PTPRF: variants seen among roughly 807,000 people sequenced by gnomAD.
PTPRF encodes the protein protein tyrosine phosphatase receptor type F.
A neutral mutation model predicts 201.8 loss-of-function variants in PTPRF; 59 were observed. The observed-to-expected ratio is 0.29, with a 90% CI of 0.24 to 0.36. The LOEUF (loss-of-function observed/expected upper bound fraction) is 0.36, where lower values mean the gene tolerates loss of function less well. Among genes scored for constraint, PTPRF ranks in the 10% least tolerant of loss-of-function variants. PTPRF has a pLI of 1.00. For synonymous variants in PTPRF, 1,088 were observed against 1,089.7 expected (o/e 1.00, Z 0.03); for missense variants, 2,132 against 2,690.5 (o/e 0.79, Z 4.59).
intron 3 of PTPRF, among the ~76,000 whole-genome samples, chr1:43,552,046 C>G (rs948583128): frequency 1.3e-5 from 2 of 152,126 alleles, no homozygotes; most frequent in African/African-American, 2.4e-5. Flanking sequence ...GGATCAACAC[C>G]TTTTCCCTCT....
rs1415782593 is a variant in PTPRF, at chr1:43,598,641, G to T, written c.2120-79G>T. ...CTGGGGGAGTGGGGTGCTGAGGCAG[G>T]ACCCTCAAGTTTGCTGTGCCCACCT... is the stretch of plus-strand genomic sequence containing the variant. On this transcript the variant is annotated intron_variant, in intron 12 of 33. Coordinates refer to ENST00000359947, the MANE Select transcript of PTPRF (RefSeq NM_002840.5). The T allele has an allele frequency of 5.3e-6, 7 of 1,328,198 alleles. No homozygotes were observed. In the African/African-American group the frequency reaches 7.3e-5, roughly 14 times the overall value. The allele number at this position is 1,328,198 out of a possible 1,614,324, so 82.3% of individuals were successfully genotyped here. A position where few individuals can be genotyped will look rare whatever the true frequency, so the allele number is the denominator to read the frequency against.
At chr1:43,618,032 G>GC in intron 25 of PTPRF, 121 bp downstream of exon 25, 1 of 1,075,810 alleles carries the variant, frequency 9.3e-7, no homozygotes, top group Non-Finnish European at 1.3e-6. Context: ...ATCCCCAGAT[G>GC]CTATTGTTAC....
rs769151984 is a variant in PTPRF, at chr1:43,588,871, A to G, written c.820A>G (p.Lys274Glu). ...KWMMGAEELT[K>E]EDEMPVGRNV... The stretch of plus-strand genomic sequence containing the variant: ...GATGATGGGGGCCGAGGAGCTCACC[A>G]AGGAGGATGAGATGCCAGTTGGCCG... The change falls in exon 8 of 34, where the codon AAG becomes GAG. Residue 274 changes from lysine (K) to glutamate (E), a missense_variant. Lys to Glu is a moderately conservative substitution (Grantham distance 56). Around this residue, in one of 6 missense-constraint regions of PTPRF, gnomAD observed 297 missense variants for 454.0 expected, o/e 0.65. Transcript: ENST00000359947. The surrounding 1 kb of genome is among the most constrained non-coding windows in gnomAD (Gnocchi z 5.3). 1.9e-6 allele frequency: 3 copies of G among 1,613,918 alleles called. No individual in the cohort carries two copies.
At chr1:43,602,161 C>T in intron 14 of PTPRF, 64 bp downstream of exon 14, 1 of 1,537,454 alleles carries the variant, frequency 6.5e-7, no homozygotes, top group South Asian at 1.1e-5. Flanking sequence ...GGACGCTCCT[C>T]CTCTCCCTCC....
chr1:43,527,282 G>C (rs1643158647), upstream of PTPRF, among the ~76,000 whole-genome samples: 1 of 152,220 alleles, frequency 6.6e-6, no homozygotes, highest in Admixed American at 6.5e-5. Flanking sequence ...AGGCCCAGGA[G>C]CAGGGCAGCA....
In PTPRF at chr1:43,606,957, C is replaced by T. The variant is rs745420618; in HGVS notation, c.3846C>T (p.Leu1282=). ...TCATCCTCATTGTCATCGCCATCCT[C>T]TTGTTCAAAAGGTGAGCACTGCCCT... ...ILIILIVIAI[L]LFKRKRTHSP... is the part of the protein sequence containing the mutation. The change falls in exon 21 of 34, where the codon CTC becomes CTT. Residue 1282 remains leucine (L), a synonymous_variant. Coordinates refer to ENST00000359947, the MANE Select transcript of PTPRF (RefSeq NM_002840.5). 3 of 1,614,102 alleles carry T rather than the reference C, an allele frequency of 1.9e-6. No individual in the cohort carries two copies. The highest frequency in any genetic ancestry group is 4.5e-5 in the East Asian group (2 of 44,888).
chr1:43,609,365 T>C lies in PTPRF; in HGVS notation c.3858-18T>C, dbSNP rs1223058857. On this transcript the variant is annotated intron_variant, in intron 21 of 33. Transcript: ENST00000359947. ...CCTGGACCTCAGGTTCTCACCAGCC[T>C]CCCTTCTGTCTCTCTAGGAAAAGGA... is the stretch of plus-strand genomic sequence containing the variant. The C allele has an allele frequency of 6.2e-7, 1 of 1,607,316 alleles. No homozygotes were observed. Among genetic ancestry groups the C allele is most frequent in the African/African-American group, 1.3e-5 (1 of 74,772 alleles).
chr1:43,610,086 A>C (rs1656088736), intron 22 of PTPRF, among the ~76,000 whole-genome samples: 1 of 151,916 alleles, frequency 6.6e-6, no homozygotes, highest in African/African-American at 2.4e-5. Flanking sequence ...CCACACCCCC[A>C]CAGGGTTAGG....
intron 22 of PTPRF, chr1:43,612,875 C>T (rs1181783702): frequency 1.0e-5 from 12 of 1,191,830 alleles, no homozygotes; most frequent in Non-Finnish European, 1.3e-5. Flanking sequence ...CTTTTGTTTA[C>T]CCCATCGCCT....
At chr1:43,543,207 A>T (rs1425411925) in intron 2 of PTPRF, among the ~76,000 whole-genome samples, 2 of 152,218 alleles carry the variant, frequency 1.3e-5, no homozygotes, top group Non-Finnish European at 2.9e-5. Flanking sequence ...AGCCACTCAT[A>T]GTCCACCACC....
chr1:43,610,423 G>A (rs1656159367), intron 22 of PTPRF, among the ~76,000 whole-genome samples: 1 of 152,244 alleles, frequency 6.6e-6, no homozygotes, highest in African/African-American at 2.4e-5. Context: ...TTTTTGTGAG[G>A]CAGGAATTCA....
In PTPRF at chr1:43,619,600, T is replaced by C. The variant is rs1165273577; in HGVS notation, c.4932+27T>C. ...TGGGGCTCGGGTGGGCCTGCTTGGC[T>C]CCAGGGCCTAGACTGGGTCATGCAG... On this transcript the variant is annotated intron_variant, in intron 28 of 33. Coordinates refer to ENST00000359947, the MANE Select transcript of PTPRF (RefSeq NM_002840.5). 4 of 1,610,464 alleles carry C rather than the reference T, an allele frequency of 2.5e-6. No homozygotes were observed. The South Asian group carries it at 4.4e-5, about 18-fold the overall frequency.
At chr1:43,574,330 T>G (rs1646782112) in intron 6 of PTPRF, among the ~76,000 whole-genome samples, 2 of 152,160 alleles carry the variant, frequency 1.3e-5, no homozygotes, top group Non-Finnish European at 2.9e-5. Context: ...GTTTACCATA[T>G]TAGATATTAA....
intron 6 of PTPRF, among the ~76,000 whole-genome samples, chr1:43,570,320 A>G (rs532571906): frequency 1.2e-4 from 19 of 152,342 alleles, no homozygotes; most frequent in African/African-American, 4.3e-4. Flanking sequence ...CAAGGATGCC[A>G]TCGTGCAGGA....
chr1:43,558,611 G>C (rs1645560065), intron 5 of PTPRF, among the ~76,000 whole-genome samples: 1 of 152,218 alleles, frequency 6.6e-6, no homozygotes, highest in Non-Finnish European at 1.5e-5. Context: ...TAGCGCGCCA[G>C]CCTCTCCCTC....
intron 5 of PTPRF, among the ~76,000 whole-genome samples, chr1:43,569,219 G>GCCCCCCCCCCCCCCCCCC (rs11313129): frequency 1.1e-4 from 15 of 137,932 alleles, no homozygotes; most frequent in African/African-American, 2.5e-4. Context: ...CTCCCTGCTA[G>GCCCCCCCCCCCCCCCCCC]CCCCCCCCCC....
chr1:43,523,840 G>A (rs983646684), upstream of PTPRF, among the ~76,000 whole-genome samples: 1 of 151,716 alleles, frequency 6.6e-6, no homozygotes, highest in Non-Finnish European at 1.5e-5. Flanking sequence ...TTGAGGCCAG[G>A]AGTTCAAGGC....
chr1:43,593,087 C>T (rs1028202767), intron 11 of PTPRF, among the ~76,000 whole-genome samples: 9 of 152,258 alleles, frequency 5.9e-5, no homozygotes. Flanking sequence ...CCTGAGCTGA[C>T]TGCACTCGGG....
chr1:43,552,698 C>T (rs997330258), intron 3 of PTPRF, among the ~76,000 whole-genome samples: 1 of 152,056 alleles, frequency 6.6e-6, no homozygotes, highest in Non-Finnish European at 1.5e-5. Context: ...GGTTCATGAC[C>T]CTAGGTGGTT....
Sources: allele counts gnomAD v4.1 joint callset (sites outside exome capture counted in the v4.1 genomes callset), GRCh38; gene constraint gnomAD v4.1.1; regional missense constraint gnomAD v4.1.1; non-coding constraint Gnocchi (gnomAD v3.1); transcripts MANE v1.5; gene names NCBI Gene and HGNC (gene_info 2026-07-23, HGNC 2026-07-21).